Variants in DPP6 observed in about 807,000 individuals in gnomAD.
DPP6 encodes dipeptidyl peptidase like 6.
In DPP6, 69 loss-of-function variants were observed where a neutral mutation model predicts 122.6. The ratio of observed to expected loss-of-function variants is 0.56; its 90% CI spans 0.46 to 0.69. The LOEUF is 0.69. Among genes scored for constraint, DPP6 ranks in the 30% least tolerant of loss-of-function variants. The pLI is 0.00. For synonymous variants in DPP6, 418 were observed against 433.1 expected, an observed-to-expected ratio of 0.97 and a Z score of 0.43; for missense variants, 928 against 1,116.9, an observed-to-expected ratio of 0.83 and a Z score of 2.41.
At chr7:153,964,798 TTTCC>T (rs1795557329) in intron 1 of DPP6, among the ~76,000 whole-genome samples, 2 of 53,820 alleles carry the variant, frequency 3.7e-5, no homozygotes, top group East Asian at 1.6e-3. Flanking sequence ...TTTCCTTTCC[TTTCC>T]TTTCCTTTCC....
intron 1 of DPP6, among the ~76,000 whole-genome samples, chr7:154,060,649 C>A (rs1451891842): frequency 0.013 from 1,864 of 143,368 alleles, 33 homozygotes; most frequent in Middle Eastern, 0.028. Context: ...GGGGAGGCAC[C>A]CCCCACGAGA....
intron 5 of DPP6, among the ~76,000 whole-genome samples, chr7:154,574,732 G>A (rs992068601): frequency 2.3e-5 from 3 of 128,558 alleles, no homozygotes; most frequent in Non-Finnish European, 4.9e-5. Context: ...GGGTGTACGT[G>A]TGTGGTGTGT....
intron 1 of DPP6, among the ~76,000 whole-genome samples, chr7:153,960,983 G>A (rs1331037032): frequency 6.6e-6 from 1 of 152,116 alleles, no homozygotes; most frequent in Non-Finnish European, 1.5e-5. Flanking sequence ...ATTGGGCATG[G>A]CAGGTATGTT....
chr7:154,720,987 C>A (rs1462339946), intron 7 of DPP6, among the ~76,000 whole-genome samples: 1 of 152,214 alleles, frequency 6.6e-6, no homozygotes, highest in Non-Finnish European at 1.5e-5. Context: ...TGGAGACATG[C>A]TGTGACAATG....
intron 1 of DPP6, among the ~76,000 whole-genome samples, chr7:154,148,959 T>G (rs953355678): frequency 2.4e-4 from 37 of 151,356 alleles, no homozygotes; most frequent in African/African-American, 8.6e-4. Context: ...GTGTATAACA[T>G]TGACACGAGG....
At chr7:154,502,804 G>A (rs1269784589) in intron 3 of DPP6, among the ~76,000 whole-genome samples, 1 of 152,152 alleles carries the variant, frequency 6.6e-6, no homozygotes, top group Non-Finnish European at 1.5e-5. Context: ...CCAGCCTAGG[G>A]AGTTTTCATG....
the DPP6 span, among the ~76,000 whole-genome samples, chr7:153,812,057 T>G: frequency 6.6e-6 from 1 of 152,176 alleles, no homozygotes; most frequent in South Asian, 2.1e-4. Flanking sequence ...TGACTTCATC[T>G]CTGTTCCCCA....
chr7:154,127,626 C>G (rs141457369), intron 1 of DPP6, among the ~76,000 whole-genome samples: 3,119 of 109,474 alleles, frequency 0.028, 30 homozygotes, highest in Middle Eastern at 0.043. Context: ...CACACACACA[C>G]ACACACAGAC....
At chr7:153,905,314 G>A (rs1799803255) in intron 1 of DPP6, among the ~76,000 whole-genome samples, 1 of 152,160 alleles carries the variant, frequency 6.6e-6, no homozygotes. Flanking sequence ...CCAGCCTCGG[G>A]AGAAAATGAG....
intron 2 of DPP6, among the ~76,000 whole-genome samples, chr7:154,455,394 G>A (rs1260753415): frequency 2.0e-5 from 3 of 152,130 alleles, no homozygotes; most frequent in Non-Finnish European, 4.4e-5. Flanking sequence ...CCACCACCAC[G>A]AGCAAGACCC....
At chr7:154,890,265 G>A (rs1413343258) in intron 25 of DPP6, 1 of 151,388 alleles carries the variant, frequency 6.6e-6, no homozygotes, top group Non-Finnish European at 1.5e-5. Context: ...ATGACAGGCA[G>A]GCACCCTGCC....
At chr7:154,796,590 T>C (rs1798062981) in intron 12 of DPP6, among the ~76,000 whole-genome samples, 1 of 152,242 alleles carries the variant, frequency 6.6e-6, no homozygotes, top group Non-Finnish European at 1.5e-5. Context: ...TCCTGTCTCC[T>C]TATCCTTCCT....
chr7:154,439,713 A>G (rs1222806253), intron 1 of DPP6, among the ~76,000 whole-genome samples: 1 of 152,232 alleles, frequency 6.6e-6, no homozygotes, highest in Non-Finnish European at 1.5e-5. Flanking sequence ...TTGATAGGGC[A>G]GAAGTTAATT....
intron 1 of DPP6, among the ~76,000 whole-genome samples, chr7:153,949,071 A>G (rs1190869481): frequency 6.6e-6 from 1 of 152,206 alleles, no homozygotes; most frequent in African/African-American, 2.4e-5. Flanking sequence ...TCATTCGTTT[A>G]TGACACAGTG....
chr7:153,768,738 T>C, the DPP6 span, among the ~76,000 whole-genome samples: 1 of 152,164 alleles, frequency 6.6e-6, no homozygotes, highest in African/African-American at 2.4e-5. Flanking sequence ...TTGAAAAGAG[T>C]TCTTTGTCAG....
chr7:154,685,607 G>A (rs3807232), intron 7 of DPP6, among the ~76,000 whole-genome samples: 128,482 of 151,886 alleles, frequency 0.85, 54,465 homozygotes, highest in South Asian at 0.93. Flanking sequence ...ATAAAATATA[G>A]AATCTCTTAG....
intron 1 of DPP6, among the ~76,000 whole-genome samples, chr7:154,280,179 G>C (rs12703338): frequency 6.7e-6 from 1 of 149,770 alleles, no homozygotes; most frequent in Non-Finnish European, 1.5e-5. Context: ...CATATTTAAT[G>C]TTTTTACTGT....
Position 154,512,247 on chromosome 7 carries a change from A to G in DPP6, c.458-28285A>G, listed in dbSNP as rs191401052. On this transcript the variant is annotated intron_variant, in intron 3 of 25. Transcript: ENST00000377770. ...TCTTTATAAAAGCATAATGACGTATATAATGGCTTTCAGATAATCCTGTCA... is the reference window on the plus strand; with the variant it reads ...TCTTTATAAAAGCATAATGACGTATGTAATGGCTTTCAGATAATCCTGTCA... 1.8e-4 allele frequency among the ~76,000 whole-genome samples: 28 copies of G among 152,340 alleles called. 1 individual carries two copies. The highest frequency in any genetic ancestry group is 1.6e-3 in the Admixed American group (25 of 15,308).
Position 153,956,164 on chromosome 7 carries a change from G to A in DPP6, c.51+68430G>A, listed in dbSNP as rs150552452. Among the ~76,000 whole-genome samples the A allele has an allele frequency of 7.4e-3, 1,128 of 152,246 alleles. 13 individuals carry two copies. The highest frequency in any genetic ancestry group is 0.025 in the African/African-American group (1,033 of 41,532). ...AGGCAGTGAAGTTGACGAACACTTCGGCTGTATCATCAGGGAAGCAACACT... is the reference window on the plus strand; with the variant it reads ...AGGCAGTGAAGTTGACGAACACTTCAGCTGTATCATCAGGGAAGCAACACT... On this transcript the variant is annotated intron_variant, in intron 1 of 25. Transcript: ENST00000404039.
Sources: allele counts gnomAD v4.1 joint callset (sites outside exome capture counted in the v4.1 genomes callset), GRCh38; gene constraint gnomAD v4.1.1; transcripts MANE v1.5; gene names NCBI Gene and HGNC (gene_info 2026-07-23, HGNC 2026-07-21).